DACH1: variants seen among roughly 807,000 people sequenced by gnomAD.
DACH1 encodes the protein dachshund family transcription factor 1, also known as dachshund homolog 1.
Under a neutral mutation model 54.2 loss-of-function variants are expected in DACH1, and 12 were observed. The observed-to-expected ratio is 0.22, with a 90% CI of 0.14 to 0.36. DACH1 has a LOEUF of 0.36. Ranked by LOEUF, DACH1 falls within the 10% of genes least tolerant of loss-of-function variation. DACH1 has a pLI of 1.00. For synonymous variants in DACH1, 386 were observed against 366.2 expected (o/e 1.05, Z -0.62); for missense variants, 805 against 929.8 (o/e 0.87, Z 1.75).
intron 2 of DACH1, among the ~76,000 whole-genome samples, chr13:71,634,696 C>G (rs1251550145): frequency 1.3e-5 from 2 of 152,096 alleles, no homozygotes; most frequent in African/African-American, 2.4e-5. Context: ...TGACCTTCCC[C>G]AATCTACCCC....
At chr13:71,845,250 T>A (rs957227581) in intron 1 of DACH1, among the ~76,000 whole-genome samples, 1 of 152,108 alleles carries the variant, frequency 6.6e-6, no homozygotes, top group African/African-American at 2.4e-5. Context: ...TTTCTAAAAA[T>A]GTTATTATAA....
intron 2 of DACH1, chr13:71,675,447 A>C: frequency 1.4e-6 from 2 of 1,430,992 alleles, no homozygotes; most frequent in Non-Finnish European, 1.9e-6. Flanking sequence ...TCCAGCTAGC[A>C]CGCCGCATAC....
chr13:71,592,056 G>T (rs1486629473), intron 3 of DACH1, among the ~76,000 whole-genome samples: 1 of 152,086 alleles, frequency 6.6e-6, no homozygotes, highest in African/African-American at 2.4e-5. Flanking sequence ...AGTTAGGTGT[G>T]GCTGTCCATA....
chr13:71,694,145 T>C (rs991671256), intron 1 of DACH1, among the ~76,000 whole-genome samples: 5 of 152,162 alleles, frequency 3.3e-5, no homozygotes, highest in African/African-American at 1.2e-4. Context: ...GTTATTTGTA[T>C]GCCACCTCTG....
chr13:71,710,617 T>G (rs1882679440), intron 1 of DACH1, among the ~76,000 whole-genome samples: 1 of 152,068 alleles, frequency 6.6e-6, no homozygotes, highest in Admixed American at 6.6e-5. Flanking sequence ...TTTGAACTGC[T>G]TCTATTTGAA....
chr13:71,584,376 T>C (rs538531732), intron 3 of DACH1, among the ~76,000 whole-genome samples: 1 of 152,324 alleles, frequency 6.6e-6, no homozygotes, highest in Non-Finnish European at 1.5e-5. Context: ...ATCTGGAGTA[T>C]ACTTTACGCT....
At chr13:71,751,046 C>T (rs949910211) in intron 1 of DACH1, among the ~76,000 whole-genome samples, 1 of 152,190 alleles carries the variant, frequency 6.6e-6, no homozygotes, top group Admixed American at 6.5e-5. Flanking sequence ...TTGTAACTAA[C>T]CAGCATTATA....
chr13:71,552,320 C>T (rs1400375102), intron 6 of DACH1, among the ~76,000 whole-genome samples: 1 of 151,912 alleles, frequency 6.6e-6, no homozygotes, highest in Non-Finnish European at 1.5e-5. Context: ...ATTAGGTATG[C>T]AACAGTTAGT....
intron 6 of DACH1, among the ~76,000 whole-genome samples, chr13:71,490,489 T>C (rs973825124): frequency 6.6e-6 from 1 of 152,208 alleles, no homozygotes; most frequent in Admixed American, 6.5e-5. Flanking sequence ...CTCACGACTT[T>C]GCAGTTTCTC....
chr13:71,606,634 C>T (rs1360975443), intron 3 of DACH1, among the ~76,000 whole-genome samples: 1 of 151,946 alleles, frequency 6.6e-6, no homozygotes, highest in Non-Finnish European at 1.5e-5. Context: ...ATGAAGCATG[C>T]CAACACTGAA....
At chr13:71,792,725 G>A (rs1156480159) in intron 1 of DACH1, among the ~76,000 whole-genome samples, 2 of 152,090 alleles carry the variant, frequency 1.3e-5, no homozygotes, top group African/African-American at 2.4e-5. Context: ...GTGGTGGCTG[G>A]CCATCATTCG....
intron 1 of DACH1, among the ~76,000 whole-genome samples, chr13:71,809,059 G>A (rs1055705763): frequency 1.8e-4 from 28 of 152,228 alleles, no homozygotes; most frequent in African/African-American, 6.5e-4. Flanking sequence ...AATAGGGGAG[G>A]AATAAAATGG....
At chr13:71,515,494 T>A (rs1881089953) in intron 6 of DACH1, among the ~76,000 whole-genome samples, 1 of 152,098 alleles carries the variant, frequency 6.6e-6, no homozygotes, top group South Asian at 2.1e-4. Context: ...GCTCTGAACC[T>A]GACTTCATAA....
intron 6 of DACH1, among the ~76,000 whole-genome samples, chr13:71,496,483 G>A (rs986453694): frequency 6.6e-6 from 1 of 151,456 alleles, no homozygotes; most frequent in African/African-American, 2.4e-5. Context: ...AATACTTCAT[G>A]TTCTCATTTA....
At chr13:71,590,335 G>C (rs1005929071) in intron 3 of DACH1, among the ~76,000 whole-genome samples, 2 of 152,120 alleles carry the variant, frequency 1.3e-5, no homozygotes, top group Admixed American at 6.5e-5. Context: ...TAAATTATTT[G>C]GAGAGTACAC....
chr13:71,692,046 CAG>C (rs1881507860), intron 1 of DACH1, among the ~76,000 whole-genome samples: 1 of 150,354 alleles, frequency 6.7e-6, no homozygotes, highest in Admixed American at 6.6e-5. Flanking sequence ...CACACACACA[CAG>C]ACACACACAT....
intron 1 of DACH1, among the ~76,000 whole-genome samples, chr13:71,805,834 A>G (rs888281328): frequency 1.3e-5 from 2 of 152,078 alleles, no homozygotes; most frequent in African/African-American, 4.8e-5. Context: ...GATGGAATCT[A>G]GCTCTGTTGC....
intron 1 of DACH1, among the ~76,000 whole-genome samples, chr13:71,763,344 C>A (rs576610612): frequency 6.6e-6 from 1 of 152,278 alleles, no homozygotes; most frequent in South Asian, 2.1e-4. Context: ...GTTTGCTACA[C>A]TGCCTCTCAT....
chr13:71,818,837 A>C (rs1334499688), intron 1 of DACH1, among the ~76,000 whole-genome samples: 1 of 152,210 alleles, frequency 6.6e-6, no homozygotes, highest in East Asian at 1.9e-4. Context: ...GTCTATCAAT[A>C]TATAGCAAGT....
Sources: allele counts gnomAD v4.1 joint callset (sites outside exome capture counted in the v4.1 genomes callset), GRCh38; gene constraint gnomAD v4.1.1; transcripts MANE v1.5; gene names NCBI Gene and HGNC (gene_info 2026-07-23, HGNC 2026-07-21).